RAPGEF2: variants seen among roughly 807,000 people sequenced by gnomAD.
RAPGEF2 encodes the protein PDZ domain containing guanine nucleotide exchange factor (GEF) 1.
Under a neutral mutation model 186.7 loss-of-function variants are expected in RAPGEF2, and 54 were observed. The observed-to-expected ratio is 0.29, with a 90% CI of 0.23 to 0.36. The LOEUF (loss-of-function observed/expected upper bound fraction) is 0.36, where lower values mean the gene tolerates loss of function less well. Among genes scored for constraint, RAPGEF2 ranks in the 10% least tolerant of loss-of-function variants. RAPGEF2 has a pLI of 1.00. For synonymous variants in RAPGEF2, 712 were observed against 705.9 expected, an observed-to-expected ratio of 1.01 and a Z score of -0.14; for missense variants, 1,532 against 2,045.0, an observed-to-expected ratio of 0.75 and a Z score of 4.84.
In RAPGEF2 at chr4:159,316,109, T is replaced by G. The variant is rs187722595; in HGVS notation, c.853+1341T>G. On this transcript the variant is annotated intron_variant, in intron 9 of 29. Transcript: ENST00000691494. ...TCTTCCCAGATGCTGACGTTACTGC[T>G]AGACCAAGGAGCCCTCTGGTGGCCC... is the stretch of plus-strand genomic sequence containing the variant. Among the ~76,000 whole-genome samples, 243 of 152,308 alleles carry G rather than the reference T, an allele frequency of 1.6e-3. 1 individual carries two copies. The highest frequency in any genetic ancestry group is 5.0e-3 in the African/African-American group (206 of 41,578).
chr4:159,238,137 C>G (rs555429433), intron 4 of RAPGEF2, among the ~76,000 whole-genome samples: 26 of 152,254 alleles, frequency 1.7e-4, no homozygotes, highest in African/African-American at 6.0e-4. Context: ...ATCCCTATGT[C>G]AGAAACAATA....
chr4:159,294,190 A>G (rs1761614404), intron 7 of RAPGEF2, among the ~76,000 whole-genome samples: 2 of 152,116 alleles, frequency 1.3e-5, no homozygotes, highest in Non-Finnish European at 1.5e-5. Context: ...CCCAAACCCA[A>G]CCTTTTTTGT....
intron 3 of RAPGEF2, among the ~76,000 whole-genome samples, chr4:159,210,240 AGAATG>A (rs1278527673): frequency 3.3e-5 from 5 of 152,236 alleles, no homozygotes; most frequent in Non-Finnish European, 5.9e-5. Flanking sequence ...AAAAAAACTT[AGAATG>A]GTAGATGCTA....
At chr4:159,308,178 G>A (rs994259070) in intron 8 of RAPGEF2, among the ~76,000 whole-genome samples, 2 of 152,150 alleles carry the variant, frequency 1.3e-5, no homozygotes, top group African/African-American at 4.8e-5. Flanking sequence ...GGAGCTTACA[G>A]CCTGCTATCT....
At chr4:159,338,752 T>C (rs1031575520) in intron 18 of RAPGEF2, among the ~76,000 whole-genome samples, 16 of 152,240 alleles carry the variant, frequency 1.1e-4, no homozygotes, top group African/African-American at 3.9e-4. Context: ...CTAAATCATA[T>C]CAAATAGATA....
chr4:159,197,948 T>A (rs1748833894), intron 3 of RAPGEF2, among the ~76,000 whole-genome samples: 2 of 152,226 alleles, frequency 1.3e-5, no homozygotes, highest in Non-Finnish European at 2.9e-5. Flanking sequence ...TTCTCATTTG[T>A]ATCTTCAGCC....
intron 7 of RAPGEF2, among the ~76,000 whole-genome samples, chr4:159,271,408 G>A (rs1758116214): frequency 6.6e-6 from 1 of 152,106 alleles, no homozygotes; most frequent in South Asian, 2.1e-4. Flanking sequence ...ATAAGAAAGT[G>A]CCCTACTTAA....
chr4:159,347,788 A>G (rs911073771), intron 25 of RAPGEF2, among the ~76,000 whole-genome samples: 6 of 152,230 alleles, frequency 3.9e-5, no homozygotes, highest in Non-Finnish European at 7.3e-5. Flanking sequence ...CTGTCTCAAA[A>G]AGAAAAAGAA....
intron 7 of RAPGEF2, among the ~76,000 whole-genome samples, chr4:159,252,077 G>A (rs570565808): frequency 2.0e-5 from 3 of 151,028 alleles, no homozygotes; most frequent in Admixed American, 6.6e-5. Context: ...AACATTCACC[G>A]TGAGGGTCTG....
chr4:159,204,609 G>T (rs904808650), intron 3 of RAPGEF2, among the ~76,000 whole-genome samples: 1 of 152,142 alleles, frequency 6.6e-6, no homozygotes, highest in Non-Finnish European at 1.5e-5. Context: ...ATTTGGTTTT[G>T]TTTGGCCTCG....
chr4:159,240,963 AAG>A (rs1753918356), intron 5 of RAPGEF2: 1 of 410,994 alleles, frequency 2.4e-6, no homozygotes, highest in African/African-American at 2.0e-5. Flanking sequence ...CAGGAAATTC[AAG>A]AGTTACCCAT....
chr4:159,270,229 T>A (rs1757956999), intron 7 of RAPGEF2, among the ~76,000 whole-genome samples: 1 of 152,224 alleles, frequency 6.6e-6, no homozygotes. Flanking sequence ...GTCCTTTGGT[T>A]CTATTGAGTT....
chr4:159,165,675 T>C (rs1745232577), intron 1 of RAPGEF2, among the ~76,000 whole-genome samples: 1 of 152,182 alleles, frequency 6.6e-6, no homozygotes, highest in African/African-American at 2.4e-5. Flanking sequence ...CGGAGTGCAG[T>C]GGCAGGATCA....
At chr4:159,294,013 C>T (rs955430402) in intron 7 of RAPGEF2, among the ~76,000 whole-genome samples, 3 of 152,158 alleles carry the variant, frequency 2.0e-5, no homozygotes, top group Admixed American at 6.5e-5. Flanking sequence ...TGTAATCTAG[C>T]GATGCACCCA....
At chr4:159,245,399 A>C (rs1012229775) in intron 7 of RAPGEF2, among the ~76,000 whole-genome samples, 1 of 152,052 alleles carries the variant, frequency 6.6e-6, no homozygotes, top group African/African-American at 2.4e-5. Context: ...AAGATTTAGC[A>C]TGAATTTTCA....
At position 159,355,950 on chromosome 4, in the gene RAPGEF2, C is replaced by G. The variant is rs1731933410; in HGVS notation, c.4749C>G (p.Ala1583=). The G allele has an allele frequency of 6.2e-7, 1 of 1,609,644 alleles. No individual in the cohort carries two copies. Among genetic ancestry groups the G allele is most frequent in the Admixed American group, 1.7e-5 (1 of 59,510 alleles). Residue 1583 remains alanine, a synonymous_variant, in exon 29 of 30, where the codon GCC becomes GCG. Transcript: ENST00000691494. ...TDFPEGHSHP[A]RKPPDYNVAL... ...TTCCAGAAGGGCACTCCCATCCAGC[C>G]AGGAAACCGCCGGACTACAACGTGG...
At chr4:159,239,361 A>C (rs1296529670) in intron 5 of RAPGEF2, among the ~76,000 whole-genome samples, 3 of 152,170 alleles carry the variant, frequency 2.0e-5, no homozygotes, top group African/African-American at 7.2e-5. Context: ...TAATTCATTC[A>C]TTAGAGTTTC....
Position 159,224,267 on chromosome 4 carries a change from G to A in RAPGEF2, c.281+13684G>A, listed in dbSNP as rs369616028. ...TGTGTTTGAAAGCATCATTGTGGCT[G>A]AAACAGATTTTTTTCATTGATTATC... On this transcript the variant is annotated intron_variant, in intron 4 of 29. Coordinates refer to ENST00000691494, the MANE Select transcript of RAPGEF2 (RefSeq NM_001394067.2). Among the ~76,000 whole-genome samples, 22 of 152,248 alleles carry A rather than the reference G, an allele frequency of 1.4e-4. No individual in the cohort carries two copies. In the East Asian group the frequency reaches 1.7e-3, roughly 12 times the overall value.
chr4:159,344,235 T>C (rs1461394161), intron 23 of RAPGEF2, among the ~76,000 whole-genome samples, 176 bp downstream of exon 23: 1 of 152,246 alleles, frequency 6.6e-6, no homozygotes, highest in Admixed American at 6.5e-5. Flanking sequence ...TTGGGGCTTT[T>C]GCTTTTGAAG....
Sources: gnomAD v4.1 joint callset for allele counts (sites outside exome capture counted in the v4.1 genomes callset) on GRCh38, gnomAD v4.1.1 for gene constraint, MANE v1.5 for transcripts, NCBI Gene and HGNC (gene_info 2026-07-23, HGNC 2026-07-21) for gene names.